The following NCAM1 variants were observed in gnomAD, a reference collection of about 807,000 sequenced individuals.
The protein encoded by NCAM1 is antigen recognized by monoclonal antibody 5.1H11.
In NCAM1, 14 loss-of-function variants were observed where a neutral mutation model predicts 109.8. The observed-to-expected ratio is 0.13, with a 90% CI of 0.08 to 0.20. The LOEUF (loss-of-function observed/expected upper bound fraction) is 0.20, where lower values mean the gene tolerates loss of function less well. NCAM1 is among the 10% of genes least tolerant of loss of function. NCAM1 has a pLI of 1.00. For missense variants in NCAM1, 774 were observed against 1,109.9 expected, an observed-to-expected ratio of 0.70 and a Z score of 4.30; for synonymous variants, 418 against 442.9, an observed-to-expected ratio of 0.94 and a Z score of 0.70.
At chr11:113,205,054 G>A (rs1312373774) in intron 3 of NCAM1, among the ~76,000 whole-genome samples, 3 of 152,208 alleles carry the variant, frequency 2.0e-5, no homozygotes, top group Admixed American at 6.5e-5. Flanking sequence ...GCCATTAAAT[G>A]TGCTTTTTTC....
chr11:113,150,187 A>G (rs1942175531), intron 1 of NCAM1, among the ~76,000 whole-genome samples: 1 of 152,262 alleles, frequency 6.6e-6, no homozygotes, highest in Non-Finnish European at 1.5e-5. Flanking sequence ...TCTTTTAGGA[A>G]AGACCAATTT....
chr11:113,169,066 GTGTGTC>G (rs142444176), intron 1 of NCAM1, among the ~76,000 whole-genome samples: 52,410 of 132,848 alleles, frequency 0.39, 10,703 homozygotes, highest in Non-Finnish European at 0.5. Flanking sequence ...GTGTGTGTGT[GTGTGTC>G]TGTGTGTGTG....
chr11:113,255,968 C>A lies in NCAM1; in HGVS notation c.1920C>A (p.Ser640=). 6.2e-7 allele frequency: 1 copy of A among 1,604,890 alleles called. No individual in the cohort carries two copies. Among genetic ancestry groups the A allele is most frequent in the South Asian group, 1.1e-5 (1 of 89,130 alleles). ...VNLIKQDDGG[S]PIRHYLVRYR... is the part of the protein sequence containing the mutation. ...TGATCAAGCAGGATGACGGCGGCTC[C>A]CCCATCAGACACTATCTGGTCAGGT... Residue 640 remains serine, a synonymous_variant, in exon 16 of 20, where the codon TCC becomes TCA. Coordinates refer to ENST00000316851, the MANE Select transcript of NCAM1 (RefSeq NM_181351.5).
At chr11:113,118,987 C>T (rs1387901490) in intron 1 of NCAM1, among the ~76,000 whole-genome samples, 1 of 151,786 alleles carries the variant, frequency 6.6e-6, no homozygotes, top group African/African-American at 2.4e-5. Context: ...TTTAAATTAC[C>T]TTCAAATTAA....
chr11:113,036,927 G>A (rs1184580602), intron 1 of NCAM1, among the ~76,000 whole-genome samples: 1 of 152,068 alleles, frequency 6.6e-6, no homozygotes, highest in Non-Finnish European at 1.5e-5. Flanking sequence ...GCCAGGAACA[G>A]GTGGGCATTC....
At chr11:113,038,690 T>C (rs1452602230) in intron 1 of NCAM1, among the ~76,000 whole-genome samples, 2 of 152,162 alleles carry the variant, frequency 1.3e-5, no homozygotes, top group East Asian at 1.9e-4. Flanking sequence ...ATTTAGTTCA[T>C]CTCCAAAAGA....
At chr11:113,189,966 CATT>C (rs2136700209) in intron 1 of NCAM1, among the ~76,000 whole-genome samples, 1 of 151,504 alleles carries the variant, frequency 6.6e-6, no homozygotes, top group African/African-American at 2.4e-5. Flanking sequence ...TTGGATGTAG[CATT>C]ATTCTGGGCA....
chr11:113,170,176 G>A (rs1942947586), intron 1 of NCAM1, among the ~76,000 whole-genome samples: 1 of 152,172 alleles, frequency 6.6e-6, no homozygotes, highest in African/African-American at 2.4e-5. Flanking sequence ...TCCTTTCATG[G>A]AAGAGCAAGC....
intron 1 of NCAM1, among the ~76,000 whole-genome samples, chr11:113,015,730 A>T (rs1216605117): frequency 1.3e-5 from 2 of 150,946 alleles, no homozygotes; most frequent in Non-Finnish European, 3.0e-5. Context: ...GACTCCATCT[A>T]AAAAAAAACA....
At chr11:113,175,385 T>A (rs1213132828) in intron 1 of NCAM1, among the ~76,000 whole-genome samples, 2 of 152,340 alleles carry the variant, frequency 1.3e-5, no homozygotes, top group South Asian at 2.1e-4. Context: ...ATTGGGTACA[T>A]CCACCCTAGT....
chr11:112,965,826 T>C (rs1555065174), intron 1 of NCAM1, among the ~76,000 whole-genome samples: 1 of 152,212 alleles, frequency 6.6e-6, no homozygotes, highest in African/African-American at 2.4e-5. Flanking sequence ...TAGTGTAAAA[T>C]AAGTGATTGA....
At chr11:113,032,845 A>C (rs1952763849) in intron 1 of NCAM1, among the ~76,000 whole-genome samples, 1 of 152,200 alleles carries the variant, frequency 6.6e-6, no homozygotes, top group Non-Finnish European at 1.5e-5. Context: ...ACTTAGCTGG[A>C]TATTTCAACA....
intron 1 of NCAM1, among the ~76,000 whole-genome samples, chr11:113,035,759 A>G (rs1383789156): frequency 6.6e-6 from 1 of 150,904 alleles, no homozygotes; most frequent in Non-Finnish European, 1.5e-5. Flanking sequence ...TTACTATGTC[A>G]CTGTTATTTT....
chr11:113,232,978 G>A (rs913706676), intron 12 of NCAM1, among the ~76,000 whole-genome samples, 164 bp downstream of exon 12: 9 of 152,178 alleles, frequency 5.9e-5, no homozygotes, highest in Admixed American at 5.2e-4. Flanking sequence ...ATCAGCGCAT[G>A]GGGCATGTTG....
rs1017568267 is a variant in NCAM1, at chr11:113,271,392, A to G, written c.2340-368A>G. 1.6e-3 allele frequency among the ~76,000 whole-genome samples: 235 copies of G among 151,320 alleles called. 1 individual carries two copies. Among genetic ancestry groups the G allele is most frequent in the African/African-American group, 4.8e-3 (199 of 41,128 alleles). On this transcript the variant is annotated intron_variant, in intron 18 of 19. Transcript: ENST00000316851. ...CTCAAAAAAAAAAAAAAAAAAAAAA[A>G]AAAAGAAAAGGAAAGGAAAAGAAAT...
intron 9 of NCAM1, among the ~76,000 whole-genome samples, chr11:113,229,013 A>T (rs1420592599): frequency 6.6e-6 from 1 of 152,230 alleles, no homozygotes; most frequent in Non-Finnish European, 1.5e-5. Flanking sequence ...CATTCAGGAC[A>T]TAGGCATGGA....
intron 1 of NCAM1, among the ~76,000 whole-genome samples, chr11:113,048,923 G>T (rs147357881): frequency 1.9e-3 from 290 of 152,328 alleles, no homozygotes; most frequent in South Asian, 9.3e-3. Context: ...CCTTGAAGGG[G>T]TGTTTCTTGG....
At chr11:113,100,029 T>C (rs1939800283) in intron 1 of NCAM1, among the ~76,000 whole-genome samples, 2 of 152,140 alleles carry the variant, frequency 1.3e-5, no homozygotes, top group African/African-American at 2.4e-5. Flanking sequence ...CTGTTTGAAG[T>C]CCTGGTCATG....
At chr11:113,256,964 C>T (rs994518442) in intron 16 of NCAM1, among the ~76,000 whole-genome samples, 1 of 152,238 alleles carries the variant, frequency 6.6e-6, no homozygotes, top group South Asian at 2.1e-4. Context: ...TTGTGATCAG[C>T]TCCTGTGGAA....
Sources: gnomAD v4.1 joint callset for allele counts (sites outside exome capture counted in the v4.1 genomes callset) on GRCh38, gnomAD v4.1.1 for gene constraint, MANE v1.5 for transcripts, NCBI Gene and HGNC (gene_info 2026-07-23, HGNC 2026-07-21) for gene names.